DNPEP: variants seen among roughly 807,000 people sequenced by gnomAD.
The protein encoded by DNPEP is aspartyl aminopeptidase.
DNPEP carries 46 observed loss-of-function variants against 59.1 expected under a neutral mutation model. The ratio of observed to expected loss-of-function variants is 0.78; its 90% confidence interval spans 0.61 to 0.99. The LOEUF is 0.99. Among genes scored for constraint, DNPEP ranks in the 50% least tolerant of loss-of-function variants. DNPEP has a pLI of 0.00. For synonymous variants in DNPEP, 229 were observed against 242.2 expected (o/e 0.95, Z 0.50); for missense variants, 617 against 649.9 (o/e 0.95, Z 0.55).
upstream of DNPEP, among the ~76,000 whole-genome samples, chr2:219,391,179 A>G (rs545755886): frequency 1.3e-5 from 2 of 152,216 alleles, no homozygotes; most frequent in Non-Finnish European, 2.9e-5. Context: ...AGGGTAATCC[A>G]CCATTTCATC....
chr2:219,388,759 A>G, upstream of DNPEP: 1 of 985,518 alleles, frequency 1.0e-6, no homozygotes, highest in Non-Finnish European at 1.2e-6. Flanking sequence ...CTTTGTGACA[A>G]TAAAAGCAAT....
chr2:219,388,559 G>C, upstream of DNPEP: 1 of 312,376 alleles, frequency 3.2e-6, no homozygotes, highest in Non-Finnish European at 4.7e-6. Context: ...GCCCCGCCCT[G>C]CACCCCCGTC....
intron 13 of DNPEP, among the ~76,000 whole-genome samples, chr2:219,376,164 A>G (rs1953361748): frequency 6.6e-6 from 1 of 152,200 alleles, no homozygotes; most frequent in Non-Finnish European, 1.5e-5. Flanking sequence ...CACTGAATAA[A>G]TGAAATTCCA....
intron 10 of DNPEP, 24 bp downstream of exon 10, chr2:219,383,107 C>A: frequency 6.2e-7 from 1 of 1,607,584 alleles, no homozygotes. Flanking sequence ...GCAGAGGTGA[C>A]CCTCCCCAGA....
In DNPEP at chr2:219,378,110, A is replaced by G. The variant is rs933894907; in HGVS notation, c.1240-3088T>C. Among the ~76,000 whole-genome samples, 7 of 152,176 alleles carry G rather than the reference A, an allele frequency of 4.6e-5. No homozygotes were observed. In the South Asian group the frequency reaches 1.4e-3, roughly 32 times the overall value. On this transcript the variant is annotated intron_variant, in intron 13 of 14. Transcript: ENST00000273075. Reference sequence around the variant, plus strand: ...CTGCAGATTAGTGTTTTATTTTCTCATCTCTATCTGTATTTTCTAATTTTC... The same window carrying G: ...CTGCAGATTAGTGTTTTATTTTCTCGTCTCTATCTGTATTTTCTAATTTTC...
At chr2:219,396,108 A>T (rs1377461138) in intron 1 of DNPEP, among the ~76,000 whole-genome samples, 1 of 152,116 alleles carries the variant, frequency 6.6e-6, no homozygotes, top group Non-Finnish European at 1.5e-5. Context: ...TGGAGAACAG[A>T]TTAGTGGTTG....
At position 219,374,425 on chromosome 2, in the gene DNPEP, G is replaced by T; in HGVS notation, c.1408-83C>A. The T allele has an allele frequency of 1.5e-6, 2 of 1,294,530 alleles. 1 individual carries two copies. 80.2% of individuals were successfully genotyped at this position (1,294,530 alleles called of 1,614,324 possible). A position where few individuals can be genotyped will look rare whatever the true frequency, so the allele number is the denominator to read the frequency against. On this transcript the variant is annotated intron_variant, in intron 14 of 14. Transcript: ENST00000273075. ...TGCCACCCACCTCCCACCAACATATGTTCCAGCAAGAGAAGCACCGAGGTT... is the reference window on the plus strand; with the variant it reads ...TGCCACCCACCTCCCACCAACATATTTTCCAGCAAGAGAAGCACCGAGGTT...
chr2:219,387,911 T>TA lies in DNPEP; in HGVS notation c.-118_-117insT. ...CGCACTCGTAGGCCTTCATCACGCT[T>TA]CCCCGGCCGCGCCGCCCCGCCCCAT... On this transcript the variant is annotated 5_prime_UTR_variant, in exon 1 of 15. Coordinates refer to ENST00000273075, the MANE Select transcript of DNPEP (RefSeq NM_012100.4). 7.3e-7 allele frequency: 1 copy of TA among 1,370,766 alleles called. No individual in the cohort carries two copies. Among genetic ancestry groups the TA allele is most frequent in the Non-Finnish European group, 9.4e-7 (1 of 1,065,826 alleles). 84.9% of individuals were successfully genotyped at this position (1,370,766 alleles called of 1,614,324 possible).
At chr2:219,392,230 G>A (rs1954027352), upstream of DNPEP, among the ~76,000 whole-genome samples, 1 of 152,138 alleles carries the variant, frequency 6.6e-6, no homozygotes, top group Admixed American at 6.5e-5. Flanking sequence ...TGTTTACAAT[G>A]CTACCATTAT....
At position 219,386,948 on chromosome 2, in the gene DNPEP, C is replaced by T; in HGVS notation, c.163G>A (p.Ala55Thr). 6.2e-7 allele frequency: 1 copy of T among 1,613,986 alleles called. No homozygotes were observed. The highest frequency in any genetic ancestry group is 2.2e-5 in the East Asian group (1 of 44,864). The change falls in exon 3 of 15, where the codon GCT becomes ACT. Residue 55 changes from alanine to threonine, a missense_variant. Transcript: ENST00000273075. ...GTCTCCTTGAGTTCACTGAAGCCAG[C>T]CTGGAGAAGGCGGTTGCGGCATTCA... ...VAECRNRLLQ[A>T]GFSELKETEK...
rs193192269 is a variant in DNPEP, at chr2:219,387,822, C to A, written c.-28G>T. 2.6e-6 allele frequency: 4 copies of A among 1,560,740 alleles called. No homozygotes were observed. In the Admixed American group the frequency reaches 5.7e-5, roughly 22 times the overall value. ...GGCCTCCGGGCTCGGCCCGCCCCCA[C>A]CGCGCCGCCTGCCCCGCCCCTCACT... On this transcript the variant is annotated 5_prime_UTR_variant, in exon 1 of 15. Transcript: ENST00000273075.
chr2:219,387,588 A>G, intron 1 of DNPEP, 171 bp downstream of exon 1: 1 of 1,519,626 alleles, frequency 6.6e-7, no homozygotes, highest in Non-Finnish European at 8.8e-7. Context: ...AGTCTCTCGC[A>G]GGACTCCCCC....
At chr2:219,378,748 G>A (rs1309775306) in intron 13 of DNPEP, among the ~76,000 whole-genome samples, 15 of 151,374 alleles carry the variant, frequency 9.9e-5, no homozygotes, top group African/African-American at 3.4e-4. Flanking sequence ...CAGCTGTTGC[G>A]ATGTTGTGGC....
chr2:219,384,251 G>A (rs567948180), intron 9 of DNPEP, 115 bp downstream of exon 9: 37 of 966,418 alleles, frequency 3.8e-5, no homozygotes, highest in Admixed American at 2.3e-5. Context: ...CAGACTGAGC[G>A]GGTAGACAAT....
chr2:219,384,114 T>C (rs1378515664), intron 9 of DNPEP, among the ~76,000 whole-genome samples: 1 of 152,210 alleles, frequency 6.6e-6, no homozygotes, highest in Non-Finnish European at 1.5e-5. Flanking sequence ...CAAGAGACCA[T>C]GGTGCCTGAA....
rs376997345 is a variant in DNPEP, at chr2:219,385,991, A to G, written c.567T>C (p.Phe189=). 41 of 1,614,132 alleles carry G rather than the reference A, an allele frequency of 2.5e-5. 1 individual carries two copies. Among genetic ancestry groups the G allele is most frequent in the African/African-American group, 1.9e-4 (14 of 75,032 alleles). The change falls in exon 6 of 15, where the codon TTT becomes TTC. Residue 189 remains phenylalanine, a synonymous_variant. Transcript: ENST00000273075. ...ACAGATGCATCTCTGTGTTGGGCCC[A>G]AAGTTCTCGTTGATATTTCGCTGCA... is the stretch of plus-strand genomic sequence containing the variant. The part of the protein sequence containing the change: ...IHLQRNINEN[F]GPNTEMHLVP...
intron 10 of DNPEP, among the ~76,000 whole-genome samples, chr2:219,382,551 C>A (rs1190439589): frequency 6.6e-6 from 1 of 152,208 alleles, no homozygotes; most frequent in Non-Finnish European, 1.5e-5. Flanking sequence ...CAGCTAAGTT[C>A]TGTGGAATGT....
chr2:219,379,033 T>G (rs1450894823), intron 13 of DNPEP, among the ~76,000 whole-genome samples: 1 of 152,186 alleles, frequency 6.6e-6, no homozygotes, highest in Admixed American at 6.5e-5. Context: ...TTCTCCTGTC[T>G]CAGCCTCCTG....
Position 219,382,072 on chromosome 2 carries a change from G to A in DNPEP, c.1004C>T (p.Ala335Val), listed in dbSNP as rs1165420934. The change falls in exon 11 of 15, where the codon GCC becomes GTC. Residue 335 changes from alanine (A) to valine (V), a missense_variant. Coordinates refer to ENST00000273075, the MANE Select transcript of DNPEP (RefSeq NM_012100.4). ...GAAGGCTGTCGGGTGCTGGCACGAG[G>A]CTGAGATCCGCCGCAGCACCAGCTC... The part of the protein sequence containing the change: ...LTELVLRRIS[A>V]SCQHPTAFEE... 6 of 1,613,998 alleles carry A rather than the reference G, an allele frequency of 3.7e-6. No individual in the cohort carries two copies. Among genetic ancestry groups the A allele is most frequent in the Non-Finnish European group, 5.1e-6 (6 of 1,180,026 alleles).
Sources: gnomAD v4.1 joint callset for allele counts (sites outside exome capture counted in the v4.1 genomes callset) on GRCh38, gnomAD v4.1.1 for gene constraint, MANE v1.5 for transcripts, NCBI Gene and HGNC (gene_info 2026-07-23, HGNC 2026-07-21) for gene names.